Variants in TAF3 observed in about 807,000 individuals in gnomAD.
TAF3 encodes transcription initiation factor TFIID subunit 3.
TAF3 carries 7 observed loss-of-function variants against 80.6 expected under a neutral mutation model. The ratio of observed to expected loss-of-function variants is 0.09; its 90% confidence interval spans 0.05 to 0.16. The LOEUF (loss-of-function observed/expected upper bound fraction) is 0.16, where lower values mean the gene tolerates loss of function less well. TAF3 is among the 10% of genes least tolerant of loss of function. TAF3 has a pLI of 1.00. For synonymous variants in TAF3, 444 were observed against 446.1 expected (o/e 1.00, Z 0.06); for missense variants, 921 against 1,140.2 (o/e 0.81, Z 2.77).
At chr10:7,915,011 G>C (rs1346892326) in intron 2 of TAF3, among the ~76,000 whole-genome samples, 1 of 137,770 alleles carries the variant, frequency 7.3e-6, no homozygotes, top group Non-Finnish European at 1.5e-5. Context: ...CGCAATCTTG[G>C]CTTACTGCAA....
At chr10:7,845,764 G>A (rs1039780297) in intron 2 of TAF3, among the ~76,000 whole-genome samples, 2 of 152,088 alleles carry the variant, frequency 1.3e-5, no homozygotes, top group Non-Finnish European at 2.9e-5. Flanking sequence ...CCATTCCTTA[G>A]TATTGAGCAT....
At chr10:7,981,281 C>T (rs181674859) in intron 4 of TAF3, among the ~76,000 whole-genome samples, 114 of 152,294 alleles carry the variant, frequency 7.5e-4, no homozygotes, top group Non-Finnish European at 1.4e-3. Flanking sequence ...ATTCACCCAC[C>T]CTTGCCCTCG....
chr10:7,974,513 G>A (rs1258999264), intron 3 of TAF3, among the ~76,000 whole-genome samples: 1 of 152,144 alleles, frequency 6.6e-6, no homozygotes, highest in Non-Finnish European at 1.5e-5. Flanking sequence ...TGTGGGCAGG[G>A]ATGAGATCAC....
At chr10:7,824,732 C>T (rs1362678977) in intron 2 of TAF3, among the ~76,000 whole-genome samples, 172 bp downstream of exon 2, 2 of 152,136 alleles carry the variant, frequency 1.3e-5, no homozygotes, top group East Asian at 3.8e-4. Context: ...CTGACATTAC[C>T]AAGCCGAGTC....
At chr10:7,865,860 T>G (rs1175416702) in intron 2 of TAF3, among the ~76,000 whole-genome samples, 1 of 151,906 alleles carries the variant, frequency 6.6e-6, no homozygotes, top group African/African-American at 2.4e-5. Context: ...TTCTAGCTGC[T>G]CCGTTTTATG....
chr10:7,995,749 A>C (rs937892118), intron 4 of TAF3, among the ~76,000 whole-genome samples: 2 of 152,240 alleles, frequency 1.3e-5, no homozygotes, highest in Admixed American at 1.3e-4. Flanking sequence ...TAACCATTTT[A>C]TGAGATGATG....
chr10:7,868,330 G>A (rs1278442158), intron 2 of TAF3, among the ~76,000 whole-genome samples: 1 of 152,036 alleles, frequency 6.6e-6, no homozygotes, highest in Non-Finnish European at 1.5e-5. Flanking sequence ...TGATTCAGGA[G>A]TGGAGGCAGT....
chr10:7,964,834 A>T lies in TAF3; in HGVS notation c.1324A>T (p.Asn442Tyr), dbSNP rs986047233. 15 of 1,614,054 alleles carry T rather than the reference A, an allele frequency of 9.3e-6. No individual in the cohort carries two copies. The highest frequency in any genetic ancestry group is 1.3e-5 in the Non-Finnish European group (15 of 1,180,036). The stretch of plus-strand genomic sequence containing the variant: ...TCCCAAAGCTTCCACTTCCGCGAAC[A>T]ATTTCACAAAGTCAGGATCCACTCC... ...TTPKASTSAN[N>Y]FTKSGSTPLP... The change falls in exon 3 of 7, where the codon AAT becomes TAT. Residue 442 changes from asparagine to tyrosine, a missense_variant. This residue lies in a region of TAF3 where 743 missense variants were observed against 821.0 expected (regional missense o/e 0.90). Transcript: ENST00000344293. This position sits in a 1 kb window ranked among gnomAD's most constrained non-coding sequence, Gnocchi z 4.1.
intron 1 of TAF3, among the ~76,000 whole-genome samples, chr10:7,819,811 G>A (rs1015597849): frequency 6.6e-6 from 1 of 152,168 alleles, no homozygotes; most frequent in African/African-American, 2.4e-5. Context: ...TTTTGTTAAA[G>A]TGGTTCCTAT....
Position 7,964,568 on chromosome 10 carries a change from G to A in TAF3, c.1058G>A (p.Ser353Asn), listed in dbSNP as rs1831548388. 1 of 1,614,060 alleles carries A rather than the reference G, an allele frequency of 6.2e-7. No individual in the cohort carries two copies. The highest frequency in any genetic ancestry group is 1.1e-5 in the South Asian group (1 of 91,074). Residue 353 changes from serine (S) to asparagine (N), a missense_variant, in exon 3 of 7, where the codon AGT becomes AAT. Ser to Asn is a conservative substitution (Grantham distance 46). This residue lies in a region of TAF3 where 743 missense variants were observed against 821.0 expected (regional missense o/e 0.90). Transcript: ENST00000344293. This position sits in a 1 kb window ranked among gnomAD's most constrained non-coding sequence, Gnocchi z 4.1. ...TCAGCTACACTCAGTGAAAAAATCA[G>A]TAAAGAGACTATCCAGGTAAAACAA... Reference protein sequence around the residue: ...TPSATLSEKISKETIQVKQIQ... With the variant: ...TPSATLSEKINKETIQVKQIQ...
intron 2 of TAF3, among the ~76,000 whole-genome samples, chr10:7,932,744 C>T (rs958813087): frequency 1.0e-4 from 14 of 134,774 alleles, no homozygotes; most frequent in Non-Finnish European, 2.0e-4. Flanking sequence ...GTGGCACAGT[C>T]GTGGCTGACT....
chr10:7,927,536 A>G (rs1209422457), intron 2 of TAF3, among the ~76,000 whole-genome samples: 2 of 152,162 alleles, frequency 1.3e-5, no homozygotes, highest in Admixed American at 6.5e-5. Context: ...CAGTTTCTCC[A>G]TACTTGGTTG....
chr10:7,851,260 C>CA (rs1837024072), intron 2 of TAF3, among the ~76,000 whole-genome samples: 1 of 152,152 alleles, frequency 6.6e-6, no homozygotes, highest in Non-Finnish European at 1.5e-5. Context: ...GATAGCCAGG[C>CA]AGGCCATCTG....
At chr10:7,930,200 C>G (rs1837855489) in intron 2 of TAF3, among the ~76,000 whole-genome samples, 1 of 152,028 alleles carries the variant, frequency 6.6e-6, no homozygotes, top group African/African-American at 2.4e-5. Flanking sequence ...CCTCTCAAAA[C>G]AAACAAACAA....
At chr10:8,006,179 TACACACACACACACACACACACACAC>T (rs59502450) in intron 4 of TAF3, among the ~76,000 whole-genome samples, 9 of 134,676 alleles carry the variant, frequency 6.7e-5, no homozygotes, top group South Asian at 4.9e-4. Context: ...AAAAAAAAAA[TACACACACACACACACACACACACAC>T]ACACACACAC....
At chr10:7,953,060 C>G (rs925516234) in intron 2 of TAF3, among the ~76,000 whole-genome samples, 2 of 152,094 alleles carry the variant, frequency 1.3e-5, no homozygotes, top group African/African-American at 4.8e-5. Context: ...CCTGACTGCC[C>G]CAGCCTCTTC....
At chr10:7,865,009 A>G (rs1315235523) in intron 2 of TAF3, among the ~76,000 whole-genome samples, 1 of 152,068 alleles carries the variant, frequency 6.6e-6, no homozygotes, top group East Asian at 1.9e-4. Flanking sequence ...GTTGAATTCC[A>G]TTGCTATGGG....
chr10:7,854,152 A>G (rs990250364), intron 2 of TAF3, among the ~76,000 whole-genome samples: 1 of 152,222 alleles, frequency 6.6e-6, no homozygotes, highest in African/African-American at 2.4e-5. Flanking sequence ...CTTGAATGAG[A>G]TATTTGGAAA....
intron 4 of TAF3, among the ~76,000 whole-genome samples, chr10:7,978,480 T>G (rs1375152555): frequency 6.6e-6 from 1 of 152,236 alleles, no homozygotes. Context: ...TCTGTTTTTC[T>G]CACCTAAATT....
Sources: gnomAD v4.1 joint callset for allele counts (sites outside exome capture counted in the v4.1 genomes callset) on GRCh38, gnomAD v4.1.1 for gene constraint, gnomAD v4.1.1 regional missense constraint, Gnocchi (gnomAD v3.1) non-coding constraint, MANE v1.5 for transcripts, NCBI Gene and HGNC (gene_info 2026-07-23, HGNC 2026-07-21) for gene names.